SEL1L2: variants seen among roughly 807,000 people sequenced by gnomAD.
The protein encoded by SEL1L2 is protein sel-1 homolog 2.
A neutral mutation model predicts 98.8 loss-of-function variants in SEL1L2; 89 were observed. The observed-to-expected ratio is 0.90, with a 90% confidence interval of 0.76 to 1.07. The LOEUF (loss-of-function observed/expected upper bound fraction) is 1.07. Ranked by LOEUF, SEL1L2 falls within the 50% of genes least tolerant of loss-of-function variation. The probability of loss-of-function intolerance (pLI) is 0.00; values close to 1 mark genes in which losing one functional copy is unlikely to be tolerated. For synonymous variants in SEL1L2, 262 were observed against 278.5 expected (o/e 0.94, Z 0.59); for missense variants, 788 against 812.0 (o/e 0.97, Z 0.36).
At chr20:13,904,133 T>C (rs941623959) in intron 5 of SEL1L2, among the ~76,000 whole-genome samples, 4 of 152,252 alleles carry the variant, frequency 2.6e-5, no homozygotes, top group African/African-American at 9.6e-5. Flanking sequence ...AACTTGGAAA[T>C]TGACTATGGA....
chr20:13,937,894 G>A (rs73900776), intron 2 of SEL1L2, among the ~76,000 whole-genome samples: 2 of 152,032 alleles, frequency 1.3e-5, no homozygotes, highest in African/African-American at 2.4e-5. Context: ...TTTGAGGAAA[G>A]AAAGTTTGAA....
At chr20:13,852,901 G>A (rs1988508340) in intron 18 of SEL1L2, among the ~76,000 whole-genome samples, 1 of 152,056 alleles carries the variant, frequency 6.6e-6, no homozygotes, top group Non-Finnish European at 1.5e-5. Flanking sequence ...GAATGGGAAG[G>A]TCGTTTTTGA....
intron 3 of SEL1L2, among the ~76,000 whole-genome samples, chr20:13,922,325 T>C (rs576043224): frequency 3.3e-5 from 5 of 152,358 alleles, no homozygotes; most frequent in Admixed American, 3.3e-4. Context: ...TTATTGTAAA[T>C]ATATTTGCTC....
chr20:13,956,528 C>T (rs1017452855), intron 1 of SEL1L2, among the ~76,000 whole-genome samples: 5 of 151,984 alleles, frequency 3.3e-5, no homozygotes, highest in Admixed American at 6.5e-5. Context: ...GGAAATATAA[C>T]ATTTTATATT....
chr20:13,960,146 G>C lies in SEL1L2; in HGVS notation c.59-4015C>G, dbSNP rs1036390831. On this transcript the variant is annotated intron_variant, in intron 1 of 19. Coordinates refer to ENST00000284951, the MANE Select transcript of SEL1L2 (RefSeq NM_025229.2). ...CTAGAAAAAGCAATGTGATTTGGTA[G>C]ATTCCCATTATTATATTCCCCAAAG... 3.3e-5 allele frequency among the ~76,000 whole-genome samples: 5 copies of C among 152,228 alleles called. No individual in the cohort carries two copies. The East Asian group carries it at 9.6e-4, about 29-fold the overall frequency.
intron 1 of SEL1L2, among the ~76,000 whole-genome samples, chr20:13,978,294 T>C (rs2051641201): frequency 6.6e-6 from 1 of 152,208 alleles, no homozygotes; most frequent in Admixed American, 6.5e-5. Flanking sequence ...GAAAAATGTA[T>C]ATCCACTGCA....
chr20:13,953,328 C>T (rs921851230), intron 2 of SEL1L2, among the ~76,000 whole-genome samples: 34 of 152,142 alleles, frequency 2.2e-4, no homozygotes, highest in African/African-American at 5.6e-4. Context: ...TCCAAATGGT[C>T]ATGCAACTGG....
At chr20:13,923,655 G>A (rs916708058) in intron 3 of SEL1L2, among the ~76,000 whole-genome samples, 1 of 152,180 alleles carries the variant, frequency 6.6e-6, no homozygotes, top group Non-Finnish European at 1.5e-5. Flanking sequence ...TCGGGAGGCT[G>A]AGGCACAAGA....
Position 13,849,506 on chromosome 20 carries a change from C to T in SEL1L2, c.2046G>A (p.Leu682=). 6.2e-7 allele frequency: 1 copy of T among 1,614,008 alleles called. No individual in the cohort carries two copies. The highest frequency in any genetic ancestry group is 2.2e-5 in the East Asian group (1 of 44,862). ...IGLIVPGLIL[L]LRNHHG ...CATCCTACCCATGGTGATTTCTAAG[C>T]AACAAAATCAGCCCAGGAACAATGA... Residue 682 remains leucine, a synonymous_variant, in exon 20 of 20, where the codon TTG becomes TTA. Transcript: ENST00000284951.
chr20:13,945,968 G>A (rs1390556436), intron 2 of SEL1L2, among the ~76,000 whole-genome samples: 1 of 151,886 alleles, frequency 6.6e-6, no homozygotes, highest in Admixed American at 6.5e-5. Flanking sequence ...ATATATGAAG[G>A]GTTACATACT....
At chr20:13,868,612 T>TC (rs1332299413) in intron 14 of SEL1L2, among the ~76,000 whole-genome samples, 1 of 150,524 alleles carries the variant, frequency 6.6e-6, no homozygotes, top group East Asian at 1.9e-4. Flanking sequence ...CTTACTTTTT[T>TC]TTTTTTTTTT....
rs558574623 is a variant in SEL1L2 at position 13,849,345 on chromosome 20, C to T, written c.*140G>A. 1.3e-5 allele frequency: 14 copies of T among 1,111,118 alleles called. No individual in the cohort carries two copies. The highest frequency in any genetic ancestry group is 6.1e-5 in the South Asian group (4 of 65,896). The allele number at this position is 1,111,118 out of a possible 1,614,324, so 68.8% of individuals were successfully genotyped here. On this transcript the variant is annotated 3_prime_UTR_variant, in exon 20 of 20. Transcript: ENST00000284951. ...TGAAGTTGTTTCTCTAGGATGGTCC[C>T]CAAGTCTTGTCTGTTTCCCATCACA...
intron 4 of SEL1L2, among the ~76,000 whole-genome samples, chr20:13,914,364 A>G (rs975891427): frequency 2.0e-5 from 3 of 152,236 alleles, no homozygotes; most frequent in Admixed American, 6.5e-5. Context: ...AAATATAAGA[A>G]TAATCAAAAT....
chr20:13,909,641 G>A lies in SEL1L2; in HGVS notation c.549+4141C>T, dbSNP rs535386683. On this transcript the variant is annotated intron_variant, in intron 5 of 19. Coordinates refer to ENST00000284951, the MANE Select transcript of SEL1L2 (RefSeq NM_025229.2). ...GTCAGGGAGGGCATAAGAGAGGGTC[G>A]GGCAGAGACTTTTAAATCAATAAAT... Among the ~76,000 whole-genome samples the A allele has an allele frequency of 3.9e-5, 6 of 152,142 alleles. No homozygotes were observed. The East Asian group carries it at 7.7e-4, about 20-fold the overall frequency.
intron 1 of SEL1L2, among the ~76,000 whole-genome samples, chr20:13,978,263 G>C (rs1377963429): frequency 6.6e-6 from 1 of 152,188 alleles, no homozygotes; most frequent in Admixed American, 6.5e-5. Flanking sequence ...AAAGGACACT[G>C]TCTTCAACAA....
chr20:13,900,029 A>G (rs1476817077), intron 5 of SEL1L2, among the ~76,000 whole-genome samples: 1 of 152,116 alleles, frequency 6.6e-6, no homozygotes, highest in East Asian at 1.9e-4. Flanking sequence ...TTTAAAAATG[A>G]TTTACATAAT....
At chr20:13,927,233 C>T (rs1205458980) in intron 3 of SEL1L2, among the ~76,000 whole-genome samples, 4 of 152,284 alleles carry the variant, frequency 2.6e-5, no homozygotes, top group African/African-American at 9.6e-5. Context: ...TATATTGTAA[C>T]ACAGCATACA....
chr20:13,857,506 C>T (rs1245212849), intron 18 of SEL1L2, among the ~76,000 whole-genome samples: 3 of 152,248 alleles, frequency 2.0e-5, no homozygotes, highest in Non-Finnish European at 2.9e-5. Flanking sequence ...CCTTTCCCAG[C>T]ATTGCTGGCT....
chr20:13,874,655 T>C (rs1436086277), intron 12 of SEL1L2, among the ~76,000 whole-genome samples: 1 of 152,194 alleles, frequency 6.6e-6, no homozygotes, highest in East Asian at 1.9e-4. Flanking sequence ...ATAACTGCCT[T>C]TCTGAGCAAC....
Sources: allele counts gnomAD v4.1 joint callset (sites outside exome capture counted in the v4.1 genomes callset), GRCh38; gene constraint gnomAD v4.1.1; transcripts MANE v1.5; gene names NCBI Gene and HGNC (gene_info 2026-07-23, HGNC 2026-07-21).